FAF1: variants seen among roughly 807,000 people sequenced by gnomAD.
FAF1 encodes the protein FAS-associated factor 1.
In FAF1, 25 loss-of-function variants were observed where a neutral mutation model predicts 92.5. The observed-to-expected ratio is 0.27, with a 90% CI of 0.20 to 0.38. The LOEUF (loss-of-function observed/expected upper bound fraction) is 0.38. FAF1 is among the 10% of genes least tolerant of loss of function. FAF1 has a pLI of 1.00. For synonymous variants in FAF1, 234 were observed against 273.2 expected, an observed-to-expected ratio of 0.86 and a Z score of 1.42; for missense variants, 636 against 793.3, an observed-to-expected ratio of 0.80 and a Z score of 2.38.
chr1:50,486,936 C>G (rs528719818), intron 17 of FAF1, among the ~76,000 whole-genome samples: 1 of 152,304 alleles, frequency 6.6e-6, no homozygotes, highest in African/African-American at 2.4e-5. Context: ...TCTCTAGTTA[C>G]TATAAAGTCC....
intron 1 of FAF1, among the ~76,000 whole-genome samples, chr1:50,928,719 G>C (rs564718731): frequency 6.9e-6 from 1 of 145,360 alleles, no homozygotes; most frequent in Non-Finnish European, 1.5e-5. Context: ...GGAGGTGGAG[G>C]TTGCACTGAA....
intron 8 of FAF1, among the ~76,000 whole-genome samples, chr1:50,609,411 G>C (rs1384802077): frequency 6.6e-6 from 1 of 152,078 alleles, no homozygotes; most frequent in East Asian, 1.9e-4. Flanking sequence ...TTGAGGCAAG[G>C]TCTCACTCTG....
intron 1 of FAF1, among the ~76,000 whole-genome samples, chr1:50,888,163 G>T (rs1570103053): frequency 6.6e-6 from 1 of 152,176 alleles, no homozygotes; most frequent in Non-Finnish European, 1.5e-5. Context: ...GTTCACTCAT[G>T]ATTTGGCTCT....
intron 2 of FAF1, among the ~76,000 whole-genome samples, chr1:50,809,981 C>T (rs114054879): frequency 1.0e-3 from 155 of 152,302 alleles, no homozygotes; most frequent in African/African-American, 3.5e-3. Flanking sequence ...ATTGGCTTGG[C>T]GCAGTGGCTC....
At chr1:50,858,300 G>A (rs1644406078) in intron 1 of FAF1, among the ~76,000 whole-genome samples, 1 of 151,794 alleles carries the variant, frequency 6.6e-6, no homozygotes, top group Non-Finnish European at 1.5e-5. Flanking sequence ...TTTAGTCAAA[G>A]ATTCTCATGG....
At chr1:50,475,427 C>A in intron 18 of FAF1, 37 bp downstream of exon 18, 1 of 1,517,718 alleles carries the variant, frequency 6.6e-7, no homozygotes, top group Non-Finnish European at 9.1e-7. Flanking sequence ...ACATCTCCCA[C>A]CTGGATATAC....
chr1:50,458,816 T>G (rs1646388724), intron 18 of FAF1, among the ~76,000 whole-genome samples: 1 of 152,224 alleles, frequency 6.6e-6, no homozygotes, highest in Non-Finnish European at 1.5e-5. Flanking sequence ...ACAACAGCTC[T>G]ATGAATTTCG....
chr1:50,878,104 T>A (rs1387057689), intron 1 of FAF1, among the ~76,000 whole-genome samples: 12 of 152,360 alleles, frequency 7.9e-5, no homozygotes, highest in African/African-American at 2.9e-4. Flanking sequence ...AAAACTAACC[T>A]TCTCTTTGTT....
rs1359666894 is a variant in FAF1 at position 50,953,354 on chromosome 1, AT to A, written c.45+6412del. Among the ~76,000 whole-genome samples the A allele has an allele frequency of 2.6e-5, 4 of 152,096 alleles. No individual in the cohort carries two copies. In the East Asian group the frequency reaches 7.7e-4, roughly 29 times the overall value. On this transcript the variant is annotated intron_variant, in intron 1 of 18. Coordinates refer to ENST00000396153, the MANE Select transcript of FAF1 (RefSeq NM_007051.3). ...CACTATTGTCCTATGACCCTGCCAA[AT>A]CCCCCTCTCCGAGAAACACCCAAGA...
rs566976740 is a variant in FAF1, at chr1:50,919,689, A to G, written c.45+40078T>C. On this transcript the variant is annotated intron_variant, in intron 1 of 18. Coordinates refer to ENST00000396153, the MANE Select transcript of FAF1 (RefSeq NM_007051.3). ...TTTTTAGTAGAGACAGGGTTTCACC[A>G]TGTTGGCCAGGATGGTCTCGAACTC... is the stretch of plus-strand genomic sequence containing the variant. 2.0e-5 allele frequency among the ~76,000 whole-genome samples: 3 copies of G among 152,090 alleles called. No homozygotes were observed. The South Asian group carries it at 6.2e-4, about 32-fold the overall frequency.
intron 1 of FAF1, among the ~76,000 whole-genome samples, chr1:50,885,312 T>TCTCTCACACACACACACACACA (rs906105476): frequency 2.2e-5 from 3 of 137,364 alleles, no homozygotes; most frequent in African/African-American, 8.6e-5. Context: ...TCTCTCTCTC[T>TCTCTCACACACACACACACACA]CACACACACA....
intron 6 of FAF1, among the ~76,000 whole-genome samples, chr1:50,738,074 G>A (rs897582729): frequency 6.6e-6 from 1 of 152,114 alleles, no homozygotes; most frequent in Non-Finnish European, 1.5e-5. Context: ...TGTGATCATT[G>A]TATAAATGTA....
Position 50,671,517 on chromosome 1 carries a change from T to C in FAF1, c.658-15989A>G, listed in dbSNP as rs576751620. ...AAACGATTGCTTGAGCATGATTACA[T>C]TGAATTAGATGTTACTGTAATAGAT... is the stretch of plus-strand genomic sequence containing the variant. On this transcript the variant is annotated intron_variant, in intron 7 of 18. Coordinates refer to ENST00000396153, the MANE Select transcript of FAF1 (RefSeq NM_007051.3). 2.8e-3 allele frequency among the ~76,000 whole-genome samples: 431 copies of C among 152,310 alleles called. 3 individuals carry two copies. Among genetic ancestry groups the C allele is most frequent in the Admixed American group, 6.2e-3 (95 of 15,294 alleles).
At chr1:50,767,172 G>C (rs1444823621) in intron 4 of FAF1, among the ~76,000 whole-genome samples, 3 of 152,160 alleles carry the variant, frequency 2.0e-5, no homozygotes, top group African/African-American at 7.2e-5. Context: ...AATTTCAGAA[G>C]ACAATCCAGT....
In FAF1 at chr1:50,606,689, C is replaced by T. The variant is rs372308025; in HGVS notation, c.745-10473G>A. On this transcript the variant is annotated intron_variant, in intron 8 of 18. Coordinates refer to ENST00000396153, the MANE Select transcript of FAF1 (RefSeq NM_007051.3). ...TAATTTTTTTGTATTTTAGTAGAGACGGAGTTTCTCCATGTTGGTCAGGCT... is the reference window on the plus strand; with the variant it reads ...TAATTTTTTTGTATTTTAGTAGAGATGGAGTTTCTCCATGTTGGTCAGGCT... 1.3e-4 allele frequency among the ~76,000 whole-genome samples: 20 copies of T among 151,872 alleles called. 1 individual carries two copies. In the East Asian group the frequency reaches 1.7e-3, roughly 13 times the overall value.
chr1:50,579,918 T>A (rs1022086479), intron 12 of FAF1, among the ~76,000 whole-genome samples: 4 of 152,200 alleles, frequency 2.6e-5, no homozygotes, highest in African/African-American at 9.6e-5. Flanking sequence ...CACTGGATAG[T>A]AGATAATATT....
intron 7 of FAF1, among the ~76,000 whole-genome samples, chr1:50,656,334 T>C (rs957340798): frequency 2.8e-5 from 4 of 140,586 alleles, no homozygotes; most frequent in African/African-American, 1.1e-4. Flanking sequence ...TCCATCTCCC[T>C]ACCACCGACC....
intron 6 of FAF1, among the ~76,000 whole-genome samples, chr1:50,720,808 A>G (rs1460273008): frequency 6.6e-6 from 1 of 152,146 alleles, no homozygotes; most frequent in Non-Finnish European, 1.5e-5. Context: ...GACCATTTTT[A>G]CTACCTGAGA....
intron 1 of FAF1, among the ~76,000 whole-genome samples, chr1:50,949,859 T>A (rs1211267895): frequency 6.6e-6 from 1 of 152,226 alleles, no homozygotes; most frequent in Admixed American, 6.5e-5. Context: ...TCTACACAGA[T>A]TACCATTCTT....
Sources: gnomAD v4.1 joint callset for allele counts (sites outside exome capture counted in the v4.1 genomes callset) on GRCh38, gnomAD v4.1.1 for gene constraint, MANE v1.5 for transcripts, NCBI Gene and HGNC (gene_info 2026-07-23, HGNC 2026-07-21) for gene names.